SP1: variants seen among roughly 807,000 people sequenced by gnomAD.
SP1 encodes Sp1 transcription factor.
SP1 carries 6 observed loss-of-function variants against 66.3 expected under a neutral mutation model. The ratio of observed to expected loss-of-function variants is 0.09; its 90% confidence interval spans 0.05 to 0.18. The LOEUF (loss-of-function observed/expected upper bound fraction) is 0.18, where lower values mean the gene tolerates loss of function less well. Among genes scored for constraint, SP1 ranks in the 10% least tolerant of loss-of-function variants. The pLI is 1.00. For missense variants in SP1, 848 were observed against 964.5 expected (o/e 0.88, Z 1.60); for synonymous variants, 417 against 360.8 (o/e 1.16, Z -1.77).
At chr12:53,403,087 G>C (rs1396309137) in intron 3 of SP1, among the ~76,000 whole-genome samples, 1 of 152,012 alleles carries the variant, frequency 6.6e-6, no homozygotes, top group African/African-American at 2.4e-5. Context: ...GGCGGAGGTG[G>C]CAGTGGACCA....
At chr12:53,400,470 A>T (rs534956524) in intron 3 of SP1, among the ~76,000 whole-genome samples, 1 of 152,100 alleles carries the variant, frequency 6.6e-6, no homozygotes, top group Non-Finnish European at 1.5e-5. Context: ...TGCTGCTATG[A>T]ATATTTGTTT....
intron 3 of SP1, among the ~76,000 whole-genome samples, chr12:53,404,223 A>G (rs914777651): frequency 6.6e-6 from 1 of 151,108 alleles, no homozygotes; most frequent in Non-Finnish European, 1.5e-5. Flanking sequence ...GCCACTTTAT[A>G]AGATATTACT....
chr12:53,392,081 A>C (rs1056043156), intron 3 of SP1, among the ~76,000 whole-genome samples: 1 of 152,306 alleles, frequency 6.6e-6, no homozygotes, highest in East Asian at 1.9e-4. Flanking sequence ...AAATTGGGCA[A>C]TATGACTTGT....
intron 3 of SP1, among the ~76,000 whole-genome samples, chr12:53,403,041 G>A (rs907420050): frequency 4.0e-5 from 6 of 151,854 alleles, no homozygotes; most frequent in Admixed American, 3.3e-4. Flanking sequence ...ACAGCTACTC[G>A]GGAGGCTGAG....
chr12:53,396,339 A>G lies in SP1; in HGVS notation c.1676-10246A>G, dbSNP rs558689474. Among the ~76,000 whole-genome samples, 351 of 150,972 alleles carry G rather than the reference A, an allele frequency of 2.3e-3. 1 individual carries two copies. The highest frequency in any genetic ancestry group is 8.2e-3 in the African/African-American group (338 of 41,082). On this transcript the variant is annotated intron_variant, in intron 3 of 5. Coordinates refer to ENST00000327443, the MANE Select transcript of SP1 (RefSeq NM_138473.3). ...AATCCCAGCACTTTGGGAGGCCGAG[A>G]CGGGTGGATCATCAGGTCAAGAGAT...
chr12:53,396,927 C>T (rs994792776), intron 3 of SP1, among the ~76,000 whole-genome samples: 1 of 152,002 alleles, frequency 6.6e-6, no homozygotes, highest in Non-Finnish European at 1.5e-5. Context: ...CCACACCCGG[C>T]CTCTCCTGTT....
Position 53,391,927 on chromosome 12 carries a change from T to C in SP1, c.1675+8305T>C, listed in dbSNP as rs1346291205. 2.6e-5 allele frequency among the ~76,000 whole-genome samples: 4 copies of C among 152,208 alleles called. No homozygotes were observed. The East Asian group carries it at 7.7e-4, about 29-fold the overall frequency. Reference sequence around the variant, plus strand: ...CATCCAGACATGGATGCAAAAGATATGATTTCATTCTTTTTTATGGCTATC... The same window carrying C: ...CATCCAGACATGGATGCAAAAGATACGATTTCATTCTTTTTTATGGCTATC... On this transcript the variant is annotated intron_variant, in intron 3 of 5. Transcript: ENST00000327443.
chr12:53,410,568 G>A (rs528688333), intron 5 of SP1, among the ~76,000 whole-genome samples: 3 of 151,654 alleles, frequency 2.0e-5, no homozygotes, highest in South Asian at 2.1e-4. Flanking sequence ...GCAGTGGCGC[G>A]ATCTCGGCTC....
In SP1 at chr12:53,383,635, A is replaced by G. The variant is rs748363481; in HGVS notation, c.1675+13A>G. On this transcript the variant is annotated intron_variant, in intron 3 of 5. Coordinates refer to ENST00000327443, the MANE Select transcript of SP1 (RefSeq NM_138473.3). ...GCAAATGCCCCAGGTAAGATTTCCA[A>G]TCTTGTGCATTTATTGGGAACCAAC... is the stretch of plus-strand genomic sequence containing the variant. 1.3e-5 allele frequency: 21 copies of G among 1,583,746 alleles called. No homozygotes were observed. In the South Asian group the frequency reaches 2.0e-4, roughly 15 times the overall value.
At chr12:53,380,718 C>T in intron 1 of SP1, 1 of 948,392 alleles carries the variant, frequency 1.1e-6, no homozygotes, top group Non-Finnish European at 1.3e-6. Context: ...CCTCCCCCCA[C>T]TTTCCGTAGA....
At chr12:53,393,125 A>T (rs868146174) in intron 3 of SP1, among the ~76,000 whole-genome samples, 1 of 152,000 alleles carries the variant, frequency 6.6e-6, no homozygotes, top group African/African-American at 2.4e-5. Context: ...CCTGGCCTAG[A>T]AGGAGTTTTA....
chr12:53,411,460 G>A lies in SP1; in HGVS notation c.*220G>A. The A allele has an allele frequency of 2.1e-6, 1 of 475,414 alleles. No individual in the cohort carries two copies. Among genetic ancestry groups the A allele is most frequent in the Non-Finnish European group, 3.7e-6 (1 of 270,716 alleles). The allele number at this position is 475,414 out of a possible 1,614,324, so 29.4% of individuals were successfully genotyped here. ...GGTGGGAAACATTAGTGAAAATTCT[G>A]TTGGTGCCACGCTTTGATGAGCATT... On this transcript the variant is annotated 3_prime_UTR_variant, in exon 6 of 6. Coordinates refer to ENST00000327443, the MANE Select transcript of SP1 (RefSeq NM_138473.3).
At position 53,382,976 on chromosome 12, in the gene SP1, C is replaced by T; in HGVS notation, c.1029C>T (p.Thr343=). The change falls in exon 3 of 6, where the codon ACC becomes ACT. Residue 343 remains threonine, a synonymous_variant. Transcript: ENST00000327443. ...TSNMGIMNFT[T]SGSSGTNSQG... is the part of the protein sequence containing the mutation. ...ACATGGGAATTATGAACTTTACTAC[C>T]AGTGGATCATCAGGGACCAACTCTC... is the stretch of plus-strand genomic sequence containing the variant. The T allele has an allele frequency of 1.2e-6, 2 of 1,614,166 alleles. No individual in the cohort carries two copies. The highest frequency in any genetic ancestry group is 2.2e-5 in the East Asian group (1 of 44,892).
At chr12:53,383,704 G>A in intron 3 of SP1, 82 bp downstream of exon 3, 3 of 1,128,988 alleles carry the variant, frequency 2.7e-6, no homozygotes, top group Non-Finnish European at 3.8e-6. Context: ...AAGGAATAGA[G>A]CCTTTTGAGA....
intron 5 of SP1, 29 bp downstream of exon 5, chr12:53,409,590 T>C (rs1278757161): frequency 6.4e-7 from 1 of 1,565,838 alleles, no homozygotes; most frequent in Non-Finnish European, 8.8e-7. Context: ...GAGAGAAAAA[T>C]AGTAATAGAC....
At chr12:53,399,525 G>T (rs1352536026) in intron 3 of SP1, among the ~76,000 whole-genome samples, 1 of 152,056 alleles carries the variant, frequency 6.6e-6, no homozygotes, top group African/African-American at 2.4e-5. Flanking sequence ...TAGAGACCGG[G>T]TTTCCCCATG....
chr12:53,402,047 CATT>C (rs1157215292), intron 3 of SP1, among the ~76,000 whole-genome samples: 1 of 152,140 alleles, frequency 6.6e-6, no homozygotes, highest in African/African-American at 2.4e-5. Context: ...AGTTTTTGCT[CATT>C]ATCAGAAACT....
chr12:53,383,607 A>T lies in SP1; in HGVS notation c.1660A>T (p.Ile554Leu), dbSNP rs756527226. ...CCCAATTCAAGGCCTGCCGTTGGCTATAGCAAATGCCCCAGGTAAGATTTC... is the reference window on the plus strand; with the variant it reads ...CCCAATTCAAGGCCTGCCGTTGGCTTTAGCAAATGCCCCAGGTAAGATTTC... ...VHPIQGLPLA[I>L]ANAPGDHGAQ... is the part of the protein sequence containing the mutation. The change falls in exon 3 of 6, where the codon ATA becomes TTA. Residue 554 changes from isoleucine to leucine, a missense_variant. Physicochemically the swap from Ile to Leu is conservative, Grantham distance 5. Transcript: ENST00000327443. 1.2e-6 allele frequency: 2 copies of T among 1,606,586 alleles called. No homozygotes were observed. The highest frequency in any genetic ancestry group is 1.1e-5 in the South Asian group (1 of 90,872).
intron 3 of SP1, among the ~76,000 whole-genome samples, chr12:53,390,190 T>TTATATTTTATCAAA (rs1339275079): frequency 1.3e-5 from 2 of 152,246 alleles, no homozygotes; most frequent in African/African-American, 4.8e-5. Context: ...TATTTTAAGA[T>TTATATTTTATCAAA]TATATTTTAT....
Sources: allele counts gnomAD v4.1 joint callset (sites outside exome capture counted in the v4.1 genomes callset), GRCh38; gene constraint gnomAD v4.1.1; transcripts MANE v1.5; gene names NCBI Gene and HGNC (gene_info 2026-07-23, HGNC 2026-07-21).